CACNB2: variants seen among roughly 807,000 people sequenced by gnomAD.
CACNB2 encodes voltage-dependent L-type calcium channel subunit beta-2.
A neutral mutation model predicts 73.3 loss-of-function variants in CACNB2; 42 were observed. That is an observed-to-expected ratio of 0.57 (90% CI 0.45 to 0.74). The LOEUF (loss-of-function observed/expected upper bound fraction) is 0.74. Ranked by LOEUF, CACNB2 falls within the 30% of genes least tolerant of loss-of-function variation. The pLI is 0.00. For missense variants in CACNB2, 940 were observed against 853.0 expected, an observed-to-expected ratio of 1.10 and a Z score of -1.27; for synonymous variants, 348 against 310.3, an observed-to-expected ratio of 1.12 and a Z score of -1.28.
intron 1 of CACNB2, among the ~76,000 whole-genome samples, chr10:18,146,603 G>A (rs923102963): frequency 1.3e-5 from 2 of 151,896 alleles, no homozygotes; most frequent in Non-Finnish European, 2.9e-5. Flanking sequence ...TCATCCTCCT[G>A]AGTAGCTGGT....
intron 2 of CACNB2, among the ~76,000 whole-genome samples, chr10:18,180,023 C>T (rs1462413741): frequency 6.6e-6 from 1 of 152,204 alleles, no homozygotes; most frequent in African/African-American, 2.4e-5. Flanking sequence ...TCTGCTTCCT[C>T]TGCTGGCTGG....
chr10:18,168,189 G>A (rs1031651735), intron 2 of CACNB2, among the ~76,000 whole-genome samples: 7 of 152,162 alleles, frequency 4.6e-5, no homozygotes, highest in Admixed American at 4.6e-4. Flanking sequence ...GGGAGGTTGA[G>A]GCAGGAGGAT....
intron 2 of CACNB2, among the ~76,000 whole-genome samples, chr10:18,265,778 CT>C (rs1219655331): frequency 1.3e-5 from 2 of 152,136 alleles, no homozygotes; most frequent in African/African-American, 4.8e-5. Context: ...TTTGTGTGCA[CT>C]TACTTCTGGC....
chr10:18,339,396 C>T (rs189676614), intron 2 of CACNB2, among the ~76,000 whole-genome samples: 1 of 152,208 alleles, frequency 6.6e-6, no homozygotes, highest in African/African-American at 2.4e-5. Context: ...TGGCACTGGC[C>T]TATAATCCCA....
chr10:18,541,302 G>C lies in CACNB2; in HGVS notation c.*1578G>C, dbSNP rs2054055477. ...TGACTTGAAGTGAATAAAATGTTAA[G>C]AATATTATCCTACATAAGACATGTA... On this transcript the variant is annotated 3_prime_UTR_variant, in exon 14 of 14. Transcript: ENST00000324631. The C allele has an allele frequency of 6.6e-6, 1 of 152,602 alleles. No individual in the cohort carries two copies. Among genetic ancestry groups the C allele is most frequent in the African/African-American group, 2.4e-5 (1 of 41,434 alleles). 9.5% of individuals were successfully genotyped at this position (152,602 alleles called of 1,614,324 possible). A position where few individuals can be genotyped will look rare whatever the true frequency, so the allele number is the denominator to read the frequency against.
At chr10:18,443,904 G>A (rs1474697578) in intron 3 of CACNB2, among the ~76,000 whole-genome samples, 5 of 151,858 alleles carry the variant, frequency 3.3e-5, no homozygotes, top group South Asian at 2.1e-4. Context: ...TAATAGAGAC[G>A]AGGTTTCGCC....
rs763455333 is a variant in CACNB2 at position 18,500,925 on chromosome 10, C to T, written c.570C>T (p.Ala190=). Residue 190 remains alanine (A), a synonymous_variant, in exon 5 of 14, where the codon GCC becomes GCT. Coordinates refer to ENST00000324631, the MANE Select transcript of CACNB2 (RefSeq NM_201596.3). The part of the protein sequence containing the change: ...ENMRLQHEQR[A]KQGKFYSSKS... ...TGAGGCTGCAGCATGAACAGAGAGCCAAGCAAGGGAAATTCTACTCCAGGT... is the reference window on the plus strand; with the variant it reads ...TGAGGCTGCAGCATGAACAGAGAGCTAAGCAAGGGAAATTCTACTCCAGGT... 2.3e-5 allele frequency: 37 copies of T among 1,613,920 alleles called. No individual in the cohort carries two copies. The highest frequency in any genetic ancestry group is 3.1e-5 in the Non-Finnish European group (36 of 1,179,974).
intron 2 of CACNB2, among the ~76,000 whole-genome samples, chr10:18,339,717 C>G (rs1050001718): frequency 1.3e-5 from 2 of 152,108 alleles, no homozygotes; most frequent in African/African-American, 4.8e-5. Context: ...AATGAACAAG[C>G]CCGTATGTTC....
chr10:18,229,255 C>T (rs145055510), intron 2 of CACNB2, among the ~76,000 whole-genome samples: 1 of 152,108 alleles, frequency 6.6e-6, no homozygotes, highest in Non-Finnish European at 1.5e-5. Flanking sequence ...AAGACTAAAT[C>T]CATAATTTCA....
chr10:18,439,030 C>G (rs12258967), intron 3 of CACNB2, among the ~76,000 whole-genome samples: 41,329 of 152,198 alleles, frequency 0.27, 5,987 homozygotes, highest in Middle Eastern at 0.39. Flanking sequence ...CTACCCTCTT[C>G]GGTGTAGTAT....
chr10:18,171,222 C>G (rs1267548948), intron 2 of CACNB2, among the ~76,000 whole-genome samples: 1 of 152,138 alleles, frequency 6.6e-6, no homozygotes, highest in Non-Finnish European at 1.5e-5. Context: ...ATGTTTCACT[C>G]AATTTCTCCA....
chr10:18,221,846 AG>A (rs1178210529), intron 2 of CACNB2, among the ~76,000 whole-genome samples: 1 of 152,206 alleles, frequency 6.6e-6, no homozygotes, highest in Non-Finnish European at 1.5e-5. Context: ...GAATTTTGGA[AG>A]GCATTTTGTG....
chr10:18,355,490 C>T (rs139861546), intron 2 of CACNB2, among the ~76,000 whole-genome samples: 301 of 152,026 alleles, frequency 2.0e-3, no homozygotes, highest in African/African-American at 7.0e-3. Context: ...ATGATTACGA[C>T]ACTTGAATAA....
At chr10:18,351,480 T>A (rs190232841) in intron 2 of CACNB2, among the ~76,000 whole-genome samples, 1 of 152,342 alleles carries the variant, frequency 6.6e-6, no homozygotes, top group Non-Finnish European at 1.5e-5. Context: ...TTGGGTGAGA[T>A]GATGAACTGG....
Position 18,349,423 on chromosome 10 carries a change from G to A in CACNB2, c.214-52501G>A, listed in dbSNP as rs543124576. 7.9e-5 allele frequency among the ~76,000 whole-genome samples: 12 copies of A among 152,326 alleles called. No individual in the cohort carries two copies. The South Asian group carries it at 2.3e-3, about 29-fold the overall frequency. On this transcript the variant is annotated intron_variant, in intron 2 of 13. Transcript: ENST00000324631. ...AATAATGGGTCCAATTGTTGATGCA[G>A]TATCTGCTTTTAGGCTGAGAAAATA...
intron 2 of CACNB2, among the ~76,000 whole-genome samples, chr10:18,389,148 GT>G (rs2043357006): frequency 6.6e-6 from 1 of 151,980 alleles, no homozygotes; most frequent in African/African-American, 2.4e-5. Flanking sequence ...TACTGTTTTT[GT>G]TTTTTTGAGA....
At chr10:18,257,291 T>G (rs1279648004) in intron 2 of CACNB2, 1 of 152,254 alleles carries the variant, frequency 6.6e-6, no homozygotes, top group Non-Finnish European at 1.5e-5. Flanking sequence ...ACATTCATCT[T>G]AGCCCAGCAG....
At chr10:18,500,994 A>C in intron 5 of CACNB2, 46 bp downstream of exon 5, 1 of 1,561,448 alleles carries the variant, frequency 6.4e-7, no homozygotes, top group Non-Finnish European at 8.8e-7. Flanking sequence ...AGATTATACC[A>C]CTATCTGTGT....
chr10:18,400,398 A>C (rs2043930149), intron 2 of CACNB2, among the ~76,000 whole-genome samples: 1 of 152,168 alleles, frequency 6.6e-6, no homozygotes, highest in Non-Finnish European at 1.5e-5. Context: ...CACACATACC[A>C]CGAGCCCGAT....
Sources: allele counts gnomAD v4.1 joint callset (sites outside exome capture counted in the v4.1 genomes callset), GRCh38; gene constraint gnomAD v4.1.1; transcripts MANE v1.5; gene names NCBI Gene and HGNC (gene_info 2026-07-23, HGNC 2026-07-21).